VPS11: variants seen among roughly 807,000 people sequenced by gnomAD.
VPS11 encodes VPS11 core subunit of CORVET and HOPS complexes.
In VPS11, 51 loss-of-function variants were observed where a neutral mutation model predicts 106.8. The ratio of observed to expected loss-of-function variants is 0.48; its 90% CI spans 0.38 to 0.60. The LOEUF (loss-of-function observed/expected upper bound fraction) is 0.60, where lower values mean the gene tolerates loss of function less well. VPS11 is among the 20% of genes least tolerant of loss of function. VPS11 has a pLI of 0.00. For synonymous variants in VPS11, 453 were observed against 458.7 expected, an observed-to-expected ratio of 0.99 and a Z score of 0.16; for missense variants, 950 against 1,190.0, an observed-to-expected ratio of 0.80 and a Z score of 2.97.
At position 119,078,784 on chromosome 11, in the gene VPS11, C is replaced by T. The variant is rs959379211; in HGVS notation, c.2064-11C>T. 2 of 1,611,902 alleles carry T rather than the reference C, an allele frequency of 1.2e-6. No homozygotes were observed. Among genetic ancestry groups the T allele is most frequent in the South Asian group, 2.2e-5 (2 of 90,800 alleles). ...GACAGCCACTGAGGTGTGCCCTTGC[C>T]CCGGCCGCAGGTTCCAGCAGATCAT... is the stretch of plus-strand genomic sequence containing the variant. On this transcript the variant is annotated splice_polypyrimidine_tract_variant and intron_variant, in intron 12 of 15. Transcript: ENST00000621676.
At chr11:119,075,158 T>C (rs1291020729) in intron 7 of VPS11, among the ~76,000 whole-genome samples, 1 of 151,594 alleles carries the variant, frequency 6.6e-6, no homozygotes, top group Non-Finnish European at 1.5e-5. Flanking sequence ...TCCCAGCTAC[T>C]TGGGAGGCTG....
At position 119,077,086 on chromosome 11, in the gene VPS11, G is replaced by A; in HGVS notation, c.1425+3G>A. The A allele has an allele frequency of 1.2e-6, 2 of 1,609,064 alleles. No homozygotes were observed. Among genetic ancestry groups the A allele is most frequent in the South Asian group, 2.2e-5 (2 of 90,192 alleles). ...CGAAGCTGGAGGAGTTCATCAAGGT[G>A]CAGGATGTTGTTGGTGGGGAAGTCT... On this transcript the variant is annotated splice_donor_region_variant and intron_variant, in intron 8 of 15. Coordinates refer to ENST00000621676, the MANE Select transcript of VPS11 (RefSeq NM_021729.6).
Position 119,081,869 on chromosome 11 carries a change from C to CT in VPS11, c.*247dup. ...GTGGGGGAGGGCACCTCAGCAACCT[C>CT]TGAGTGTGGACAATAGCTGCTTTCT... On this transcript the variant is annotated 3_prime_UTR_variant, in exon 16 of 16. Transcript: ENST00000621676. The CT allele has an allele frequency of 3.7e-6, 2 of 535,274 alleles. No individual in the cohort carries two copies. Among genetic ancestry groups the CT allele is most frequent in the South Asian group, 2.7e-5 (1 of 37,420 alleles). The allele number at this position is 535,274 out of a possible 1,614,324, so 33.2% of individuals were successfully genotyped here.
intron 7 of VPS11, among the ~76,000 whole-genome samples, chr11:119,076,664 A>G (rs1164547598): frequency 1.3e-5 from 2 of 152,204 alleles, no homozygotes; most frequent in Admixed American, 6.5e-5. Flanking sequence ...TAGAATTCCT[A>G]TTTTTAGCCA....
At chr11:119,075,929 TAATA>T (rs1326995442) in intron 7 of VPS11, among the ~76,000 whole-genome samples, 6 of 76,582 alleles carry the variant, frequency 7.8e-5, no homozygotes, top group Admixed American at 1.7e-4. Flanking sequence ...ATAATAATAA[TAATA>T]AATAAATAAA....
At chr11:119,068,762 T>C (rs1439065991) in intron 1 of VPS11, among the ~76,000 whole-genome samples, 1 of 148,110 alleles carries the variant, frequency 6.8e-6, no homozygotes, top group Non-Finnish European at 1.5e-5. Context: ...ATTTTTTTCT[T>C]TTTTTTGAGA....
chr11:119,078,221 C>G lies in VPS11; in HGVS notation c.1810C>G (p.Leu604Val), dbSNP rs782141817. The change falls in exon 11 of 16, where the codon CTG (leucine) becomes GTG (valine). Residue 604 changes from leucine to valine, a missense_variant. By Grantham distance (32) the Leu-to-Val change is conservative (BLOSUM62 1). Coordinates refer to ENST00000621676, the MANE Select transcript of VPS11 (RefSeq NM_021729.6). ...IPIFANNPRE[L>V]KAFLEHMSEV... ...CATCTTTGCCAATAACCCGCGAGAG[C>G]TGAAAGCCTTCCTAGAGCACATGAG... 11 of 1,613,754 alleles carry G rather than the reference C, an allele frequency of 6.8e-6. No individual in the cohort carries two copies. The highest frequency in any genetic ancestry group is 9.3e-6 in the Non-Finnish European group (11 of 1,179,878).
In VPS11 at chr11:119,081,428, T is replaced by G. The variant is rs782619817; in HGVS notation, c.2662-31T>G. 4 of 1,613,686 alleles carry G rather than the reference T, an allele frequency of 2.5e-6. No homozygotes were observed. The Admixed American group carries it at 6.7e-5, about 27-fold the overall frequency. On this transcript the variant is annotated intron_variant, in intron 15 of 15. Transcript: ENST00000621676. ...TAAGAAACAAGCACTTTGATTCTGA[T>G]TCGTATTCCTTCCCTCCTCTTCTCC...
chr11:119,077,259 A>G (rs1945657862), intron 8 of VPS11, among the ~76,000 whole-genome samples, 176 bp downstream of exon 8: 1 of 152,182 alleles, frequency 6.6e-6, no homozygotes, highest in Non-Finnish European at 1.5e-5. Context: ...GATTCTAGAA[A>G]TTCCCATGGT....
intron 6 of VPS11, 181 bp downstream of exon 6, chr11:119,073,580 C>G: frequency 1.1e-6 from 1 of 902,314 alleles, no homozygotes; most frequent in Non-Finnish European, 1.6e-6. Context: ...GAAGTAGTGG[C>G]TGGGAGCCTG....
In VPS11 at chr11:119,078,021, G is replaced by A. The variant is rs782334357; in HGVS notation, c.1716G>A (p.Arg572=). The A allele has an allele frequency of 3.1e-6, 5 of 1,612,870 alleles. No homozygotes were observed. In the East Asian group the frequency reaches 6.7e-5, roughly 22 times the overall value. ...TGAAGGGACTTTGTACTGATTATCGGCCCAGCCTCGAAGGCCGCAGCGATA... is the reference window on the plus strand; with the variant it reads ...TGAAGGGACTTTGTACTGATTATCGACCCAGCCTCGAAGGCCGCAGCGATA... The part of the protein sequence containing the change: ...QLLKGLCTDY[R]PSLEGRSDRE... Residue 572 remains arginine, a synonymous_variant, in exon 10 of 16, where the codon CGG becomes CGA. Coordinates refer to ENST00000621676, the MANE Select transcript of VPS11 (RefSeq NM_021729.6).
At chr11:119,073,112 T>C (rs1347314116) in intron 5 of VPS11, 86 bp from the exon 6 acceptor site, 1 of 1,471,654 alleles carries the variant, frequency 6.8e-7, no homozygotes, top group Non-Finnish European at 9.3e-7. Context: ...CTGGGTGAAA[T>C]GTGCACCAAA....
intron 1 of VPS11, 109 bp downstream of exon 1, chr11:119,068,119 C>G: frequency 1.6e-6 from 2 of 1,279,496 alleles, no homozygotes; most frequent in Non-Finnish European, 2.1e-6. Flanking sequence ...TTTGGTTTAG[C>G]TGGTCATCCA....
chr11:119,073,530 A>G, intron 6 of VPS11, 131 bp downstream of exon 6: 1 of 1,185,346 alleles, frequency 8.4e-7, no homozygotes, highest in South Asian at 1.6e-5. Flanking sequence ...TCCTTAGGGT[A>G]GGATTATAAG....
chr11:119,074,332 C>T (rs1289710339), intron 7 of VPS11, among the ~76,000 whole-genome samples: 3 of 151,744 alleles, frequency 2.0e-5, no homozygotes, highest in Non-Finnish European at 2.9e-5. Context: ...GTGATCTGCC[C>T]GCTTCAGCCT....
intron 1 of VPS11, among the ~76,000 whole-genome samples, 191 bp from the exon 2 acceptor site, chr11:119,069,005 C>CT (rs1555201666): frequency 1.5e-5 from 1 of 66,652 alleles, no homozygotes; most frequent in Non-Finnish European, 3.8e-5. Flanking sequence ...CACCCCCCCC[C>CT]CCCCCCGGCC....
chr11:119,077,143 C>T (rs1229825761), intron 8 of VPS11, 60 bp downstream of exon 8: 5 of 1,560,290 alleles, frequency 3.2e-6, no homozygotes, highest in Non-Finnish European at 4.4e-6. Flanking sequence ...GGTGGCTCCA[C>T]CGGGACTTGT....
In VPS11 at chr11:119,077,027, C is replaced by G. The variant is rs782696173; in HGVS notation, c.1369C>G (p.Leu457Val). 6.2e-7 allele frequency: 1 copy of G among 1,613,814 alleles called. No individual in the cohort carries two copies. ...SLANADHTTL[L>V]LNCYTKLKDS... The stretch of plus-strand genomic sequence containing the variant: ...GGCCAATGCCGACCATACCACCCTG[C>G]TCCTCAACTGCTATACCAAGCTCAA... The change falls in exon 8 of 16, where the codon CTC becomes GTC. Residue 457 changes from leucine to valine, a missense_variant. Transcript: ENST00000621676.
At chr11:119,068,866 C>T (rs1565736062) in intron 1 of VPS11, among the ~76,000 whole-genome samples, 1 of 151,808 alleles carries the variant, frequency 6.6e-6, no homozygotes. Context: ...ATTCTCCTGC[C>T]TCAACCTCCT....
Sources: gnomAD v4.1 joint callset for allele counts (sites outside exome capture counted in the v4.1 genomes callset) on GRCh38, gnomAD v4.1.1 for gene constraint, MANE v1.5 for transcripts, NCBI Gene and HGNC (gene_info 2026-07-23, HGNC 2026-07-21) for gene names.